The following AGAP1 variants were observed in gnomAD, a reference collection of about 807,000 sequenced individuals.
AGAP1 encodes the protein ArfGAP with GTPase domain, ankyrin repeat and PH domain 1, also known as arf-GAP with GTPase, ANK repeat and PH domain-containing protein 1.
In AGAP1, 29 loss-of-function variants were observed where a neutral mutation model predicts 105.3. That is an observed-to-expected ratio of 0.28 (90% CI 0.21 to 0.38). The LOEUF is 0.38. AGAP1 is among the 10% of genes least tolerant of loss of function. The pLI is 1.00. For synonymous variants in AGAP1, 509 were observed against 485.9 expected, an observed-to-expected ratio of 1.05 and a Z score of -0.63; for missense variants, 998 against 1,165.1, an observed-to-expected ratio of 0.86 and a Z score of 2.09.
Position 235,981,853 on chromosome 2 carries a change from A to G in AGAP1, c.1645+13230A>G, listed in dbSNP as rs193161252. ...TGCTCGCCGCCTCTAACACATCTCC[A>G]CGGTGACCTTCCCTTCCCTTGGAAG... is the stretch of plus-strand genomic sequence containing the variant. On this transcript the variant is annotated intron_variant, in intron 13 of 17. Coordinates refer to ENST00000304032, the MANE Select transcript of AGAP1 (RefSeq NM_001037131.3). This position sits in a 1 kb window ranked among gnomAD's most constrained non-coding sequence, Gnocchi z 5.5. Among the ~76,000 whole-genome samples the G allele has an allele frequency of 3.9e-4, 60 of 152,146 alleles. No homozygotes were observed. Among genetic ancestry groups the G allele is most frequent in the African/African-American group, 1.4e-3 (58 of 41,508 alleles).
intron 1 of AGAP1, among the ~76,000 whole-genome samples, chr2:235,526,481 G>A (rs1942843835): frequency 6.6e-6 from 1 of 152,174 alleles, no homozygotes; most frequent in Admixed American, 6.5e-5. Context: ...CTGTGAATTA[G>A]ATTTTTAGTT....
chr2:235,894,803 T>C (rs2050725826), intron 10 of AGAP1, among the ~76,000 whole-genome samples: 1 of 152,220 alleles, frequency 6.6e-6, no homozygotes. Flanking sequence ...CTGATCCTTC[T>C]GGTGTGCAGG....
chr2:235,624,609 A>G (rs1406737860), intron 1 of AGAP1, among the ~76,000 whole-genome samples: 7 of 152,140 alleles, frequency 4.6e-5, no homozygotes, highest in Non-Finnish European at 1.0e-4. Flanking sequence ...GTGTGCTGGC[A>G]TTGTAATGTT....
In AGAP1 at chr2:236,044,579, C is replaced by G. The variant is rs913433169; in HGVS notation, c.1891+3738C>G. On this transcript the variant is annotated intron_variant, in intron 15 of 17. Transcript: ENST00000304032. This position sits in a 1 kb window ranked among gnomAD's most constrained non-coding sequence, Gnocchi z 5.7. Reference sequence around the variant, plus strand: ...TCCTGCCTTATTTCCCTTTGTGAACCCCAGGCCTGCACACAAGAGGGGACT... The same window carrying G: ...TCCTGCCTTATTTCCCTTTGTGAACGCCAGGCCTGCACACAAGAGGGGACT... 6.6e-6 allele frequency among the ~76,000 whole-genome samples: 1 copy of G among 152,128 alleles called. No homozygotes were observed. The highest frequency in any genetic ancestry group is 1.5e-5 in the Non-Finnish European group (1 of 68,032).
Position 235,975,803 on chromosome 2 carries a change from C to T in AGAP1, c.1645+7180C>T, listed in dbSNP as rs1049301657. Among the ~76,000 whole-genome samples the T allele has an allele frequency of 7.9e-5, 12 of 152,178 alleles. 1 individual carries two copies. Among genetic ancestry groups the T allele is most frequent in the Admixed American group, 7.9e-4 (12 of 15,274 alleles). On this transcript the variant is annotated intron_variant, in intron 13 of 17. Transcript: ENST00000304032. ...CCACCGGCACCTCCCGTGTCTGCTC[C>T]TTGTTTAACATTGGCAGCTACCCAG...
At chr2:235,542,847 C>T (rs1292880720) in intron 1 of AGAP1, among the ~76,000 whole-genome samples, 1 of 152,168 alleles carries the variant, frequency 6.6e-6, no homozygotes, top group Non-Finnish European at 1.5e-5. Flanking sequence ...GTTTCTCAGA[C>T]CGAGGCCCCT....
At chr2:235,603,229 G>A (rs1048204089) in intron 1 of AGAP1, among the ~76,000 whole-genome samples, 5 of 151,486 alleles carry the variant, frequency 3.3e-5, no homozygotes, top group African/African-American at 7.3e-5. Context: ...TCTCTCTCTT[G>A]CCTGCCGCCA....
At chr2:235,653,292 T>TC (rs1559316528) in intron 1 of AGAP1, among the ~76,000 whole-genome samples, 1 of 151,446 alleles carries the variant, frequency 6.6e-6, no homozygotes, top group East Asian at 2.0e-4. Flanking sequence ...GGTGAAACAC[T>TC]GTCTCTCCTA....
chr2:235,509,081 T>C (rs1000325374), intron 1 of AGAP1, among the ~76,000 whole-genome samples: 1 of 152,236 alleles, frequency 6.6e-6, no homozygotes, highest in African/African-American at 2.4e-5. Context: ...TGAACCAGAT[T>C]TACCTAGAGG....
At chr2:236,032,856 G>T (rs1305737029) in intron 13 of AGAP1, among the ~76,000 whole-genome samples, 1 of 152,208 alleles carries the variant, frequency 6.6e-6, no homozygotes, top group African/African-American at 2.4e-5. Flanking sequence ...GAGCTGAAAG[G>T]AGAGACAGAA....
chr2:236,025,922 G>A (rs1475164359), intron 13 of AGAP1, among the ~76,000 whole-genome samples: 2 of 141,420 alleles, frequency 1.4e-5, no homozygotes, highest in Non-Finnish European at 3.2e-5. Flanking sequence ...ATGGATGGAT[G>A]GATGGATGGA....
intron 1 of AGAP1, among the ~76,000 whole-genome samples, chr2:235,624,189 A>G (rs867896156): frequency 6.6e-6 from 1 of 152,238 alleles, no homozygotes; most frequent in African/African-American, 2.4e-5. Flanking sequence ...AGAAAAGACC[A>G]TGATGGATGT....
chr2:235,570,104 C>T (rs994519866), intron 1 of AGAP1, among the ~76,000 whole-genome samples: 6 of 152,072 alleles, frequency 3.9e-5, no homozygotes, highest in Non-Finnish European at 7.4e-5. Context: ...AAATTATTTT[C>T]ATTTTCTTCA....
chr2:235,497,797 T>C (rs539612255), intron 1 of AGAP1, among the ~76,000 whole-genome samples: 1 of 152,108 alleles, frequency 6.6e-6, no homozygotes, highest in South Asian at 2.1e-4. Flanking sequence ...GGGGTTTCAT[T>C]GTGTTAGCCG....
intron 9 of AGAP1, among the ~76,000 whole-genome samples, chr2:235,820,586 T>A (rs1958734921): frequency 6.6e-6 from 1 of 152,248 alleles, no homozygotes; most frequent in African/African-American, 2.4e-5. Context: ...GCCAAGTTTT[T>A]ACCATATTGT....
At chr2:235,898,699 G>A (rs1160687186) in intron 10 of AGAP1, among the ~76,000 whole-genome samples, 1 of 152,180 alleles carries the variant, frequency 6.6e-6, no homozygotes, top group Admixed American at 6.5e-5. Flanking sequence ...AAGCACTTGA[G>A]TATTATCTCA....
Position 235,589,190 on chromosome 2 carries a change from TTTTG to T in AGAP1, c.163+94345_163+94348del, listed in dbSNP as rs1185522039. ...AGAACTACCAGTTAATAGCTTATTG[TTTTG>T]TTTTTTTTTTTTTTTTTTTTTTTTT... is the stretch of plus-strand genomic sequence containing the variant. On this transcript the variant is annotated intron_variant, in intron 1 of 17. Coordinates refer to ENST00000304032, the MANE Select transcript of AGAP1 (RefSeq NM_001037131.3). 8.8e-3 allele frequency among the ~76,000 whole-genome samples: 421 copies of T among 47,592 alleles called. 57 individuals are homozygous for T. The highest frequency in any genetic ancestry group is 0.048 in the African/African-American group (320 of 6,658). The allele number at this position is 47,592 out of a possible 152,430, so 31.2% of individuals were successfully genotyped here.
Position 235,882,589 on chromosome 2 carries a change from G to T in AGAP1, c.1051-756G>T. ...AGCAATTCCCCTGCTCAGCCTCCCC[G>T]AGTAGCTGGGATTATAGGTGCCCAC... On this transcript the variant is annotated intron_variant, in intron 9 of 17. Coordinates refer to ENST00000304032, the MANE Select transcript of AGAP1 (RefSeq NM_001037131.3). The surrounding 1 kb of genome is among the most constrained non-coding windows in gnomAD (Gnocchi z 4.6). 2.0e-6 allele frequency: 1 copy of T among 506,408 alleles called. No individual in the cohort carries two copies. The highest frequency in any genetic ancestry group is 3.5e-6 in the Non-Finnish European group (1 of 282,362). 31.4% of individuals were successfully genotyped at this position (506,408 alleles called of 1,614,324 possible).
chr2:235,784,598 CAAAAAA>C (rs71400786), intron 6 of AGAP1, among the ~76,000 whole-genome samples: 6 of 124,460 alleles, frequency 4.8e-5, no homozygotes, highest in Admixed American at 3.9e-4. Context: ...CTTATTAAAG[CAAAAAA>C]AAAAAAAAAA....
Sources: gnomAD v4.1 joint callset for allele counts (sites outside exome capture counted in the v4.1 genomes callset) on GRCh38, gnomAD v4.1.1 for gene constraint, Gnocchi (gnomAD v3.1) non-coding constraint, MANE v1.5 for transcripts, NCBI Gene and HGNC (gene_info 2026-07-23, HGNC 2026-07-21) for gene names.